Variants in SLC4A10 observed in about 807,000 individuals in gnomAD.
SLC4A10 encodes solute carrier family 4 member 10.
In SLC4A10, 42 loss-of-function variants were observed where a neutral mutation model predicts 137.7. The observed-to-expected ratio is 0.30, with a 90% CI of 0.24 to 0.39. The LOEUF is 0.39. Ranked by LOEUF, SLC4A10 falls within the 10% of genes least tolerant of loss-of-function variation. The pLI is 1.00. For missense variants in SLC4A10, 925 were observed against 1,355.0 expected (o/e 0.68, Z 4.98); for synonymous variants, 474 against 464.1 (o/e 1.02, Z -0.27).
chr2:161,725,430 G>C (rs2046110639), intron 1 of SLC4A10, among the ~76,000 whole-genome samples: 1 of 152,134 alleles, frequency 6.6e-6, no homozygotes, highest in South Asian at 2.1e-4. Flanking sequence ...ATGAATGTTA[G>C]CTATTACTGT....
chr2:161,751,666 A>G (rs1181529513), intron 1 of SLC4A10, among the ~76,000 whole-genome samples: 1 of 151,548 alleles, frequency 6.6e-6, no homozygotes, highest in Non-Finnish European at 1.5e-5. Flanking sequence ...TGGCATCACC[A>G]TCCTCCTTTT....
In SLC4A10 at chr2:161,983,458, T is replaced by G. The variant is rs1700492361; in HGVS notation, c.*306T>G. On this transcript the variant is annotated 3_prime_UTR_variant, in exon 27 of 27. Coordinates refer to ENST00000446997, the MANE Select transcript of SLC4A10 (RefSeq NM_001178015.2). ...ACAATAGCCAATGCAAGAATCTGTG[T>G]GTTCCTTGCTGTACGTTAGACATTT... 1.9e-5 allele frequency: 10 copies of G among 530,660 alleles called. No homozygotes were observed. The East Asian group carries it at 3.2e-4, about 17-fold the overall frequency. The allele number at this position is 530,660 out of a possible 1,614,324, so 32.9% of individuals were successfully genotyped here.
chr2:161,791,994 G>T (rs73971361), intron 2 of SLC4A10, among the ~76,000 whole-genome samples: 1 of 151,978 alleles, frequency 6.6e-6, no homozygotes, highest in Non-Finnish European at 1.5e-5. Context: ...TGGGGGTCCT[G>T]GTTATACATT....
intron 3 of SLC4A10, among the ~76,000 whole-genome samples, chr2:161,835,231 AT>A (rs1278785582): frequency 6.6e-6 from 1 of 151,648 alleles, no homozygotes; most frequent in Non-Finnish European, 1.5e-5. Context: ...TAGAGATGGG[AT>A]TTCACCATGC....
chr2:161,720,249 T>A (rs1472870972), intron 1 of SLC4A10, among the ~76,000 whole-genome samples: 2 of 152,184 alleles, frequency 1.3e-5, no homozygotes, highest in Non-Finnish European at 2.9e-5. Context: ...GTTCCATTGA[T>A]CTATATCTCT....
At chr2:161,644,274 A>G (rs1205893861) in intron 1 of SLC4A10, among the ~76,000 whole-genome samples, 1 of 152,148 alleles carries the variant, frequency 6.6e-6, no homozygotes, top group Admixed American at 6.5e-5. Context: ...AGGTGAGAAG[A>G]TCGCTTGAGT....
At position 161,901,029 on chromosome 2, in the gene SLC4A10, C is replaced by T; in HGVS notation, c.1442+18C>T. 3 of 1,522,244 alleles carry T rather than the reference C, an allele frequency of 2.0e-6. No homozygotes were observed. Among genetic ancestry groups the T allele is most frequent in the Non-Finnish European group, 2.7e-6 (3 of 1,118,992 alleles). The allele number at this position is 1,522,244 out of a possible 1,614,324, so 94.3% of individuals were successfully genotyped here. ...ACTGGAAGGTTAGTGAAAATCACTT[C>T]TATGGGACTTCAAGGACCAAATGAC... On this transcript the variant is annotated intron_variant, in intron 12 of 26. Coordinates refer to ENST00000446997, the MANE Select transcript of SLC4A10 (RefSeq NM_001178015.2).
At chr2:161,739,748 C>T (rs1217369198) in intron 1 of SLC4A10, among the ~76,000 whole-genome samples, 1 of 152,142 alleles carries the variant, frequency 6.6e-6, no homozygotes, top group Non-Finnish European at 1.5e-5. Flanking sequence ...TTCTTATTGG[C>T]ATTATGTGCT....
At chr2:161,898,844 A>T (rs925414242) in intron 11 of SLC4A10, among the ~76,000 whole-genome samples, 6 of 152,102 alleles carry the variant, frequency 3.9e-5, no homozygotes, top group African/African-American at 1.4e-4. Context: ...TCTCACATAA[A>T]TTCATGACCA....
intron 10 of SLC4A10, among the ~76,000 whole-genome samples, chr2:161,893,308 G>C (rs2063104927): frequency 6.6e-6 from 1 of 152,136 alleles, no homozygotes; most frequent in African/African-American, 2.4e-5. Context: ...ACTTTGAGTG[G>C]AAATGAACTT....
At chr2:161,863,147 T>A in intron 6 of SLC4A10, 85 bp downstream of exon 6, 1 of 1,233,470 alleles carries the variant, frequency 8.1e-7, no homozygotes, top group Non-Finnish European at 1.1e-6. Context: ...AAACTTGTTT[T>A]ATTTGAAAAT....
chr2:161,643,634 AAG>A (rs1242200160), intron 1 of SLC4A10, among the ~76,000 whole-genome samples: 1 of 152,146 alleles, frequency 6.6e-6, no homozygotes. Flanking sequence ...TGAGTCTACT[AAG>A]AGAGGGACTG....
intron 1 of SLC4A10, among the ~76,000 whole-genome samples, chr2:161,634,460 A>G (rs1454684236): frequency 6.6e-6 from 1 of 151,736 alleles, no homozygotes; most frequent in Non-Finnish European, 1.5e-5. Flanking sequence ...TGAATTTCCT[A>G]TTTCTCCTCA....
chr2:161,866,357 A>G (rs1344640537), intron 6 of SLC4A10, among the ~76,000 whole-genome samples: 1 of 151,962 alleles, frequency 6.6e-6, no homozygotes, highest in Non-Finnish European at 1.5e-5. Flanking sequence ...GTGATTTGTG[A>G]TAATTTGTCA....
In SLC4A10 at chr2:161,711,330, G is replaced by C. The variant is rs368033070; in HGVS notation, c.49-59643G>C. 5.9e-4 allele frequency among the ~76,000 whole-genome samples: 90 copies of C among 151,828 alleles called. No individual in the cohort carries two copies. In the South Asian group the frequency reaches 0.017, roughly 29 times the overall value. On this transcript the variant is annotated intron_variant, in intron 1 of 26. Transcript: ENST00000446997. ...GTGGGTAATTAAGTATTATGGAAGG[G>C]GTTTTGACTTTATAGGGATAAAACT...
intron 15 of SLC4A10, among the ~76,000 whole-genome samples, chr2:161,935,810 T>C (rs1691477239): frequency 6.6e-6 from 1 of 152,138 alleles, no homozygotes; most frequent in Admixed American, 6.6e-5. Flanking sequence ...TGACTAGAAC[T>C]TCCAGTACAA....
intron 3 of SLC4A10, among the ~76,000 whole-genome samples, chr2:161,811,268 C>T (rs1290324912): frequency 4.0e-5 from 6 of 151,766 alleles, no homozygotes; most frequent in African/African-American, 1.4e-4. Flanking sequence ...TTTTGTTAAT[C>T]TAACTAGTAG....
intron 1 of SLC4A10, among the ~76,000 whole-genome samples, chr2:161,653,553 A>G (rs1376794198): frequency 2.0e-5 from 3 of 152,160 alleles, no homozygotes; most frequent in Non-Finnish European, 4.4e-5. Flanking sequence ...CTGGCATGAG[A>G]TGGTATTTCA....
At chr2:161,804,400 G>T in intron 2 of SLC4A10, 49 bp from the exon 3 acceptor site, 2 of 1,580,944 alleles carry the variant, frequency 1.3e-6, no homozygotes, top group Non-Finnish European at 1.7e-6. Context: ...TCATATCTGT[G>T]CCCTGGAATA....
Sources: allele counts gnomAD v4.1 joint callset (sites outside exome capture counted in the v4.1 genomes callset), GRCh38; gene constraint gnomAD v4.1.1; transcripts MANE v1.5; gene names NCBI Gene and HGNC (gene_info 2026-07-23, HGNC 2026-07-21).